Variants in RACGAP1 observed in about 807,000 individuals in gnomAD.
The protein encoded by RACGAP1 is Rac GTPase activating protein 1.
A neutral mutation model predicts 78.1 loss-of-function variants in RACGAP1; 30 were observed. That is an observed-to-expected ratio of 0.38 (90% CI 0.29 to 0.52). The LOEUF (loss-of-function observed/expected upper bound fraction) is 0.52. Ranked by LOEUF, RACGAP1 falls within the 20% of genes least tolerant of loss-of-function variation. The probability of loss-of-function intolerance (pLI) is 0.82; values close to 1 mark genes in which losing one functional copy is unlikely to be tolerated. For missense variants in RACGAP1, 587 were observed against 777.1 expected (o/e 0.76, Z 2.91); for synonymous variants, 231 against 264.8 (o/e 0.87, Z 1.24).
chr12:50,016,766 C>G, intron 1 of RACGAP1, 47 bp from the exon 2 acceptor site: 1 of 1,582,166 alleles, frequency 6.3e-7, no homozygotes, highest in Non-Finnish European at 8.6e-7. Context: ...TTCTCGCCCA[C>G]AACAAAAGAT....
Position 49,989,871 on chromosome 12 carries a change from G to A in RACGAP1, c.*397C>T, listed in dbSNP as rs1947719146. Reference sequence around the variant, plus strand: ...TGAGACAAGCTAATCTTATCAGATAGGTAGGGTTTCTGTCATTGTCTCACG... The same window carrying A: ...TGAGACAAGCTAATCTTATCAGATAAGTAGGGTTTCTGTCATTGTCTCACG... On this transcript the variant is annotated 3_prime_UTR_variant, in exon 17 of 17. Transcript: ENST00000312377. 1 of 163,652 alleles carries A rather than the reference G, an allele frequency of 6.1e-6. No homozygotes were observed. The highest frequency in any genetic ancestry group is 2.4e-5 in the African/African-American group (1 of 41,808). 10.1% of individuals were successfully genotyped at this position (163,652 alleles called of 1,614,324 possible).
At chr12:50,028,771 CA>C (rs1950303813), upstream of RACGAP1, among the ~76,000 whole-genome samples, 1 of 151,336 alleles carries the variant, frequency 6.6e-6, no homozygotes, top group Non-Finnish European at 1.5e-5. Flanking sequence ...GACTCTGTCT[CA>C]AAAAAATAAA....
chr12:50,004,144 T>C, intron 5 of RACGAP1, 91 bp downstream of exon 5: 3 of 1,473,226 alleles, frequency 2.0e-6, no homozygotes, highest in Non-Finnish European at 2.7e-6. Flanking sequence ...AATAGTAATA[T>C]AGGATGTTCA....
intron 15 of RACGAP1, 131 bp from the exon 16 acceptor site, chr12:49,990,923 A>G (rs1310753505): frequency 4.7e-6 from 3 of 636,550 alleles, no homozygotes; most frequent in Non-Finnish European, 8.3e-6. Flanking sequence ...AGTCCCAGAG[A>G]TCATTTTTGT....
intron 1 of RACGAP1, among the ~76,000 whole-genome samples, chr12:50,024,773 G>A (rs1950194144): frequency 6.6e-6 from 1 of 150,524 alleles, no homozygotes; most frequent in African/African-American, 2.5e-5. Context: ...CGACACATTA[G>A]AAAGATAATG....
intron 15 of RACGAP1, among the ~76,000 whole-genome samples, chr12:49,991,479 A>ATATATATATATAT (rs1555169074): frequency 1.2e-4 from 3 of 24,090 alleles, no homozygotes; most frequent in African/African-American, 2.8e-4. Flanking sequence ...ATATATATAT[A>ATATATATATATAT]TTTTTTTTTT....
At chr12:50,016,019 C>A (rs959114001) in intron 2 of RACGAP1, among the ~76,000 whole-genome samples, 2 of 151,860 alleles carry the variant, frequency 1.3e-5, no homozygotes, top group Non-Finnish European at 2.9e-5. Flanking sequence ...AAAGCAACAT[C>A]CTAGTAAATT....
intron 1 of RACGAP1, among the ~76,000 whole-genome samples, chr12:50,024,533 T>G (rs1410442179): frequency 6.6e-6 from 1 of 152,112 alleles, no homozygotes; most frequent in Non-Finnish European, 1.5e-5. Context: ...GGCTGAGGGT[T>G]GAAAAACTAC....
At position 49,999,286 on chromosome 12, in the gene RACGAP1, A is replaced by G; in HGVS notation, c.749-15T>C. On this transcript the variant is annotated splice_polypyrimidine_tract_variant and intron_variant, in intron 8 of 16. Coordinates refer to ENST00000312377, the MANE Select transcript of RACGAP1 (RefSeq NM_001319999.2). Reference sequence around the variant, plus strand: ...TTGTAAAGTACCTAGAAAACAAGCAACTTTTAAGCTTTGTGTCTTAAGTAT... The same window carrying G: ...TTGTAAAGTACCTAGAAAACAAGCAGCTTTTAAGCTTTGTGTCTTAAGTAT... 3 of 1,589,674 alleles carry G rather than the reference A, an allele frequency of 1.9e-6. No individual in the cohort carries two copies. The highest frequency in any genetic ancestry group is 2.6e-6 in the Non-Finnish European group (3 of 1,173,512).
Position 50,002,892 on chromosome 12 carries a change from C to T in RACGAP1, c.496-592G>A, listed in dbSNP as rs1050682900. Among the ~76,000 whole-genome samples, 43 of 152,078 alleles carry T rather than the reference C, an allele frequency of 2.8e-4. 1 individual carries two copies. The East Asian group carries it at 5.8e-3, about 21-fold the overall frequency. On this transcript the variant is annotated intron_variant, in intron 5 of 16. Transcript: ENST00000312377. ...CAAAAAAATTAGCCAGGCGTGGTGG[C>T]GGGCGCCTGCAGTCCCAGCTACTCT...
chr12:50,001,097 G>T, intron 7 of RACGAP1, 75 bp downstream of exon 7: 1 of 1,158,690 alleles, frequency 8.6e-7, no homozygotes, highest in Non-Finnish European at 1.3e-6. Flanking sequence ...TCAAAACAAT[G>T]CTGCAATGCT....
chr12:50,027,836 A>G (rs1950294325), upstream of RACGAP1, among the ~76,000 whole-genome samples: 1 of 152,162 alleles, frequency 6.6e-6, no homozygotes, highest in Admixed American at 6.5e-5. Flanking sequence ...AAATCAATCA[A>G]TCAATCAATC....
intron 2 of RACGAP1, among the ~76,000 whole-genome samples, chr12:50,008,202 CTT>C (rs554013271): frequency 8.6e-6 from 1 of 116,780 alleles, no homozygotes; most frequent in Non-Finnish European, 1.8e-5. Context: ...AAAGATATTA[CTT>C]TTTTTTTTTT....
intron 1 of RACGAP1, among the ~76,000 whole-genome samples, chr12:50,020,619 T>C (rs1004997599): frequency 6.6e-6 from 1 of 152,116 alleles, no homozygotes; most frequent in Non-Finnish European, 1.5e-5. Context: ...ACCCAACACA[T>C]TGAAGAGATA....
At chr12:50,031,028 C>T (rs551680974) in intron 2 of RACGAP1, among the ~76,000 whole-genome samples, 39 of 151,634 alleles carry the variant, frequency 2.6e-4, no homozygotes, top group African/African-American at 5.6e-4. Flanking sequence ...GATCCATCTG[C>T]CTTGGTCTCC....
intron 9 of RACGAP1, among the ~76,000 whole-genome samples, chr12:49,997,941 A>G (rs1948417998): frequency 6.6e-6 from 1 of 152,224 alleles, no homozygotes. Context: ...CCCTTTAGAC[A>G]TATTTACATA....
intron 1 of RACGAP1, among the ~76,000 whole-genome samples, chr12:50,018,320 T>C (rs558966779): frequency 6.6e-6 from 1 of 152,260 alleles, no homozygotes; most frequent in African/African-American, 2.4e-5. Flanking sequence ...GAAACCAAGA[T>C]TTTCAAACGG....
At chr12:50,008,040 GGTTT>G in intron 2 of RACGAP1, among the ~76,000 whole-genome samples, 1 of 150,964 alleles carries the variant, frequency 6.6e-6, no homozygotes, top group East Asian at 1.9e-4. Context: ...TAATTTTGCT[GGTTT>G]GTTTGTTCTT....
intron 1 of RACGAP1, among the ~76,000 whole-genome samples, chr12:50,023,797 G>T (rs890329420): frequency 2.0e-5 from 3 of 152,108 alleles, no homozygotes; most frequent in African/African-American, 7.2e-5. Context: ...ACAGTATGGA[G>T]ACTTCTCAAA....
Sources: allele counts gnomAD v4.1 joint callset (sites outside exome capture counted in the v4.1 genomes callset), GRCh38; gene constraint gnomAD v4.1.1; transcripts MANE v1.5; gene names NCBI Gene and HGNC (gene_info 2026-07-23, HGNC 2026-07-21).